The following PPP2R2C variants were observed in gnomAD, a reference collection of about 807,000 sequenced individuals.
PPP2R2C encodes the protein protein phosphatase 2, regulatory subunit B, gamma.
Under a neutral mutation model 45.3 loss-of-function variants are expected in PPP2R2C, and 10 were observed. That is an observed-to-expected ratio of 0.22 (90% confidence interval 0.14 to 0.37). PPP2R2C has a LOEUF of 0.37. Among genes scored for constraint, PPP2R2C ranks in the 10% least tolerant of loss-of-function variants. The probability of loss-of-function intolerance (pLI) is 1.00; values close to 1 mark genes in which losing one functional copy is unlikely to be tolerated. For missense variants in PPP2R2C, 308 were observed against 619.7 expected, an observed-to-expected ratio of 0.50 and a Z score of 5.34; for synonymous variants, 257 against 245.4, an observed-to-expected ratio of 1.05 and a Z score of -0.44.
rs888902278 is a variant in PPP2R2C at position 6,478,845 on chromosome 4, G to A, written c.49+56426C>T. ...CTCTGACCCCTGTTATCTTCTTCCC[G>A]GGACCCCGGCTGATGGAGCTGCACA... On this transcript the variant is annotated intron_variant, in intron 2 of 9. Transcript: ENST00000506140. Among the ~76,000 whole-genome samples, 9 of 152,182 alleles carry A rather than the reference G, an allele frequency of 5.9e-5. 1 individual carries two copies. The highest frequency in any genetic ancestry group is 1.9e-4 in the East Asian group (1 of 5,196).
In PPP2R2C at chr4:6,321,013, A is replaced by ATAAT. The variant is rs1731519556; in HGVS notation, c.*2288_*2289insATTA. 1 of 152,064 alleles carries ATAAT rather than the reference A, an allele frequency of 6.6e-6. No individual in the cohort carries two copies. Among genetic ancestry groups the ATAAT allele is most frequent in the Non-Finnish European group, 1.5e-5 (1 of 68,016 alleles). 9.4% of individuals were successfully genotyped at this position (152,064 alleles called of 1,614,324 possible). On this transcript the variant is annotated 3_prime_UTR_variant, in exon 9 of 9. Coordinates refer to ENST00000382599, the MANE Select transcript of PPP2R2C (RefSeq NM_020416.4). Reference sequence around the variant, plus strand: ...TTCACAATTTGCTTTGGACATCATTATTTTCCAGGGATCCAGAGACATACT... The same window carrying ATAAT: ...TTCACAATTTGCTTTGGACATCATTATAATTTTTCCAGGGATCCAGAGACATACT...
rs1395991596 is a variant in PPP2R2C at position 6,331,985 on chromosome 4, T to A, written c.960+1577A>T. Among the ~76,000 whole-genome samples the A allele has an allele frequency of 6.6e-6, 1 of 152,192 alleles. No homozygotes were observed. Among genetic ancestry groups the A allele is most frequent in the East Asian group, 1.9e-4 (1 of 5,200 alleles). On this transcript the variant is annotated intron_variant, in intron 7 of 8. Transcript: ENST00000382599. This position sits in a 1 kb window ranked among gnomAD's most constrained non-coding sequence, Gnocchi z 5.9. ...TTGCTATTATTTTAGCATCAATAGGTCAGCTGGGCCAGATGCCAAGTGCCC... is the reference window on the plus strand; with the variant it reads ...TTGCTATTATTTTAGCATCAATAGGACAGCTGGGCCAGATGCCAAGTGCCC...
chr4:6,466,243 C>T (rs1276200406), intron 1 of PPP2R2C, among the ~76,000 whole-genome samples: 3 of 152,200 alleles, frequency 2.0e-5, no homozygotes, highest in East Asian at 3.9e-4. Flanking sequence ...GCCTGCCACA[C>T]GTACCCCTCT....
intron 1 of PPP2R2C, among the ~76,000 whole-genome samples, chr4:6,411,883 C>T (rs1044547801): frequency 6.6e-6 from 1 of 152,206 alleles, no homozygotes; most frequent in African/African-American, 2.4e-5. Flanking sequence ...GCCCACTATC[C>T]CAGTGGCCCT....
intron 5 of PPP2R2C, among the ~76,000 whole-genome samples, chr4:6,352,080 C>T (rs930521864): frequency 1.3e-5 from 2 of 152,192 alleles, no homozygotes; most frequent in African/African-American, 2.4e-5. Flanking sequence ...CTACCGTGAA[C>T]ACAGCTTTCT....
In PPP2R2C at chr4:6,528,289, G is replaced by A. The variant is rs113251892; in HGVS notation, c.49+6982C>T. On this transcript the variant is annotated intron_variant, in intron 2 of 9. Coordinates refer to the PPP2R2C transcript ENST00000506140. ...GGGGTGAAGGGTGTTGGCTCGGGCCGGGAGGGCCCTTCCTGCCTGCCTGTG... is the reference window on the plus strand; with the variant it reads ...GGGGTGAAGGGTGTTGGCTCGGGCCAGGAGGGCCCTTCCTGCCTGCCTGTG... 4.1e-3 allele frequency among the ~76,000 whole-genome samples: 620 copies of A among 152,366 alleles called. 3 individuals carry two copies. Among genetic ancestry groups the A allele is most frequent in the African/African-American group, 0.014 (562 of 41,578 alleles).
chr4:6,455,779 C>T (rs1720990692), intron 1 of PPP2R2C, among the ~76,000 whole-genome samples: 1 of 152,200 alleles, frequency 6.6e-6, no homozygotes, highest in South Asian at 2.1e-4. Flanking sequence ...CAACCCTGAA[C>T]ACACCACGCC....
At chr4:6,362,127 G>A (rs1229984525) in intron 5 of PPP2R2C, among the ~76,000 whole-genome samples, 1 of 152,124 alleles carries the variant, frequency 6.6e-6, no homozygotes. Flanking sequence ...GGCAGAGAGG[G>A]TGAGAGCCAG....
intron 2 of PPP2R2C, among the ~76,000 whole-genome samples, chr4:6,526,898 C>T (rs1724225458): frequency 6.6e-6 from 1 of 152,314 alleles, no homozygotes; most frequent in Non-Finnish European, 1.5e-5. Context: ...GGACAGCCAT[C>T]ACGGTAGGCT....
rs1732109321 is a variant in PPP2R2C, at chr4:6,328,161, G to A, written c.1052+1101C>T. Among the ~76,000 whole-genome samples the A allele has an allele frequency of 6.6e-6, 1 of 152,326 alleles. No homozygotes were observed. The highest frequency in any genetic ancestry group is 1.5e-5 in the Non-Finnish European group (1 of 68,038). The stretch of plus-strand genomic sequence containing the variant: ...GGTGGACAGCCCCCCACCAGGTGAT[G>A]CCCAAGTCAGGGCTGCTGGCTCTCA... On this transcript the variant is annotated intron_variant, in intron 8 of 8. Coordinates refer to ENST00000382599, the MANE Select transcript of PPP2R2C (RefSeq NM_020416.4). This position sits in a 1 kb window ranked among gnomAD's most constrained non-coding sequence, Gnocchi z 4.4.
chr4:6,555,757 T>C (rs1466246293), intron 1 of PPP2R2C: 1 of 152,150 alleles, frequency 6.6e-6, no homozygotes, highest in Admixed American at 6.5e-5. Context: ...GGGAAGGCGA[T>C]TCTGTATCTG....
intron 2 of PPP2R2C, among the ~76,000 whole-genome samples, chr4:6,522,353 C>G (rs1724053937): frequency 6.6e-6 from 1 of 152,256 alleles, no homozygotes; most frequent in Non-Finnish European, 1.5e-5. Flanking sequence ...CGGGCATTAC[C>G]AATCCTCACT....
At chr4:6,428,194 T>C (rs998375368) in intron 1 of PPP2R2C, among the ~76,000 whole-genome samples, 4 of 152,190 alleles carry the variant, frequency 2.6e-5, no homozygotes, top group Non-Finnish European at 4.4e-5. Flanking sequence ...GTTTGGTGGG[T>C]ATCCAATAAG....
At chr4:6,477,544 G>A (rs1001153032), upstream of PPP2R2C, among the ~76,000 whole-genome samples, 5 of 151,882 alleles carry the variant, frequency 3.3e-5, no homozygotes, top group African/African-American at 1.2e-4. Context: ...GGCTAACACG[G>A]TGAAACCCCA....
At chr4:6,405,505 G>C (rs976864675) in intron 1 of PPP2R2C, among the ~76,000 whole-genome samples, 1 of 152,194 alleles carries the variant, frequency 6.6e-6, no homozygotes, top group Non-Finnish European at 1.5e-5. Flanking sequence ...GGAGGATTCC[G>C]AATTTAATTA....
At chr4:6,343,666 G>A (rs577060582) in intron 6 of PPP2R2C, among the ~76,000 whole-genome samples, 1 of 152,246 alleles carries the variant, frequency 6.6e-6, no homozygotes, top group African/African-American at 2.4e-5. Context: ...GCTGCAGTGA[G>A]CCAAGATCGT....
At chr4:6,519,396 C>A (rs902501692) in intron 2 of PPP2R2C, among the ~76,000 whole-genome samples, 1 of 152,192 alleles carries the variant, frequency 6.6e-6, no homozygotes, top group African/African-American at 2.4e-5. Flanking sequence ...CTTTTGAGAG[C>A]CACAGAGAAA....
chr4:6,472,300 G>A lies in PPP2R2C; in HGVS notation c.-71C>T, dbSNP rs929137822. The A allele has an allele frequency of 6.3e-6, 10 of 1,590,718 alleles. No individual in the cohort carries two copies. The African/African-American group carries it at 1.1e-4, about 17-fold the overall frequency. On this transcript the variant is annotated 5_prime_UTR_variant, in exon 1 of 9. Coordinates refer to ENST00000382599, the MANE Select transcript of PPP2R2C (RefSeq NM_020416.4). The stretch of plus-strand genomic sequence containing the variant: ...CGATGCAATCCGCAGAGGTCGCGCC[G>A]GGCGCGCGGGCCATGCCGCCGCAGC...
chr4:6,399,099 G>A (rs561605978), intron 1 of PPP2R2C, among the ~76,000 whole-genome samples: 3 of 152,328 alleles, frequency 2.0e-5, no homozygotes, highest in Admixed American at 2.0e-4. Flanking sequence ...GGCAGAGATA[G>A]GAATGGACCA....
Sources: allele counts gnomAD v4.1 joint callset (sites outside exome capture counted in the v4.1 genomes callset), GRCh38; gene constraint gnomAD v4.1.1; non-coding constraint Gnocchi (gnomAD v3.1); transcripts MANE v1.5; gene names NCBI Gene and HGNC (gene_info 2026-07-23, HGNC 2026-07-21).